Variants in PGC observed in about 807,000 individuals in gnomAD.
PGC encodes progastricsin, also known as gastricsin.
PGC carries 31 observed loss-of-function variants against 45.9 expected under a neutral mutation model. The observed-to-expected ratio is 0.67, with a 90% CI of 0.51 to 0.91. PGC has a LOEUF of 0.91. Ranked by LOEUF, PGC falls within the 40% of genes least tolerant of loss-of-function variation. The pLI is 0.00. For synonymous variants in PGC, 192 were observed against 201.8 expected, an observed-to-expected ratio of 0.95 and a Z score of 0.41; for missense variants, 477 against 493.2, an observed-to-expected ratio of 0.97 and a Z score of 0.31.
Position 41,739,859 on chromosome 6 carries a change from G to C in PGC, c.855C>G (p.Pro285=). The C allele has an allele frequency of 1.2e-6, 2 of 1,614,078 alleles. No individual in the cohort carries two copies. Residue 285 remains proline (P), a synonymous_variant, in exon 7 of 9, where the codon CCC becomes CCG. Transcript: ENST00000373025. ...VDTGTSLLTV[P]QQYMSALLQA... ...GCAGAAGAGCACTCATGTACTGCTG[G>C]GGCACAGTGAGCAGAGAGGTGCCTG...
At chr6:41,741,979 G>A (rs1771834435) in intron 5 of PGC, 1 of 710,340 alleles carries the variant, frequency 1.4e-6, no homozygotes, top group African/African-American at 1.8e-5. Flanking sequence ...TCCAAGGGGT[G>A]CTGAGAATCA....
At chr6:41,740,773 A>G (rs1771807737) in intron 5 of PGC, 163 bp from the exon 6 acceptor site, 15 of 1,431,380 alleles carry the variant, frequency 1.0e-5, no homozygotes, top group East Asian at 2.5e-5. Flanking sequence ...CCCTGAGGAC[A>G]GGGCTGTATC....
chr6:41,744,643 A>C lies in PGC; in HGVS notation c.210+15T>G, dbSNP rs374515294. On this transcript the variant is annotated intron_variant, in intron 2 of 8. Transcript: ENST00000373025. The surrounding 1 kb of genome is among the most constrained non-coding windows in gnomAD (Gnocchi z 4.4). ...ACCAGAGAGAAGGCTACCGCCAGAAAGGGTCAGGACTCACATCCATGTAGG... is the reference window on the plus strand; with the variant it reads ...ACCAGAGAGAAGGCTACCGCCAGAACGGGTCAGGACTCACATCCATGTAGG... 8 of 1,613,578 alleles carry C rather than the reference A, an allele frequency of 5.0e-6. No homozygotes were observed. Among genetic ancestry groups the C allele is most frequent in the Non-Finnish European group, 6.8e-6 (8 of 1,179,602 alleles).
In PGC at chr6:41,738,205, T is replaced by TATATATAC. The variant is rs1771743599; in HGVS notation, c.916-378_916-377insGTATATAT. Among the ~76,000 whole-genome samples the TATATATAC allele has an allele frequency of 2.1e-3, 135 of 63,348 alleles. 3 individuals are homozygous for TATATATAC. Among genetic ancestry groups the TATATATAC allele is most frequent in the Middle Eastern group, 0.019 (2 of 106 alleles). The allele number at this position is 63,348 out of a possible 152,430, so 41.6% of individuals were successfully genotyped here. ...ATATATATATGCATATATATATGCA[T>TATATATAC]ATATATATGCATATATATATGCATA... On this transcript the variant is annotated intron_variant, in intron 7 of 8. Transcript: ENST00000373025.
At position 41,740,985 on chromosome 6, in the gene PGC, G is replaced by A. The variant is rs925381529; in HGVS notation, c.648-375C>T. On this transcript the variant is annotated intron_variant, in intron 5 of 8. Transcript: ENST00000373025. ...GGAATTCCCAGCGCCTCAGGCTCCC[G>A]AATGATGCTGACTTCTGGGGGGTCC... 27 of 1,526,494 alleles carry A rather than the reference G, an allele frequency of 1.8e-5. 1 individual carries two copies. Among genetic ancestry groups the A allele is most frequent in the Admixed American group, 8.3e-5 (4 of 48,064 alleles). The allele number at this position is 1,526,494 out of a possible 1,614,324, so 94.6% of individuals were successfully genotyped here. A position where few individuals can be genotyped will look rare whatever the true frequency, so the allele number is the denominator to read the frequency against.
At position 41,741,610 on chromosome 6, in the gene PGC, C is replaced by T. The variant is rs144585271; in HGVS notation, c.647+680G>A. ...GCAGTGAGCCGAGATTGCGCCACTG[C>T]ACTCCAGACCGGGTGACAGAGTGAG... On this transcript the variant is annotated intron_variant, in intron 5 of 8. Coordinates refer to ENST00000373025, the MANE Select transcript of PGC (RefSeq NM_002630.4). 7.4e-3 allele frequency among the ~76,000 whole-genome samples: 1,134 copies of T among 152,300 alleles called. 16 individuals are homozygous for T. The highest frequency in any genetic ancestry group is 0.026 in the African/African-American group (1,060 of 41,546).
intron 1 of PGC, 84 bp downstream of exon 1, chr6:41,747,192 G>T (rs1156430386): frequency 1.8e-6 from 2 of 1,124,850 alleles, no homozygotes; most frequent in African/African-American, 1.5e-5. Context: ...AGACAGGCAG[G>T]GTGTCCCCTG....
intron 5 of PGC, chr6:41,741,141 A>G (rs1295670258): frequency 3.3e-6 from 5 of 1,537,032 alleles, no homozygotes; most frequent in Non-Finnish European, 4.4e-6. Flanking sequence ...GGAGACAGGT[A>G]GGGTCTTGGT....
intron 5 of PGC, chr6:41,740,942 G>C: frequency 6.7e-7 from 1 of 1,496,788 alleles, no homozygotes; most frequent in Non-Finnish European, 8.9e-7. Flanking sequence ...TTAGACTGGG[G>C]CTTTCTGGCC....
chr6:41,739,978 C>A, intron 6 of PGC, 32 bp from the exon 7 acceptor site: 1 of 1,606,794 alleles, frequency 6.2e-7, no homozygotes, highest in South Asian at 1.1e-5. Flanking sequence ...AGCCTCAGGA[C>A]TCCCCCAGTT....
chr6:41,743,372 T>C lies in PGC; in HGVS notation c.346A>G (p.Asn116Asp), dbSNP rs1771868535. ...GAGTAGGTGGACGACTCGCTGGGGTTGAAGCGGGAGTGACTGGCTGCAGGG... is the reference window on the plus strand; with the variant it reads ...GAGTAGGTGGACGACTCGCTGGGGTCGAAGCGGGAGTGACTGGCTGCAGGG... Reference protein sequence around the residue: ...SQACTSHSRFNPSESSTYSTN... With the variant: ...SQACTSHSRFDPSESSTYSTN... The change falls in exon 4 of 9, where the codon AAC (asparagine) becomes GAC (aspartate). Residue 116 changes from asparagine (N) to aspartate (D), a missense_variant. By Grantham distance (23) the Asn-to-Asp change is conservative. Transcript: ENST00000373025. The C allele has an allele frequency of 6.2e-7, 1 of 1,613,208 alleles. No homozygotes were observed. The highest frequency in any genetic ancestry group is 1.3e-5 in the African/African-American group (1 of 74,882).
At chr6:41,741,336 TA>T in intron 5 of PGC, 1 of 1,016,674 alleles carries the variant, frequency 9.8e-7, no homozygotes, top group South Asian at 1.8e-5. Flanking sequence ...CCAATGAAGC[TA>T]ACTGTCTCTA....
intron 1 of PGC, among the ~76,000 whole-genome samples, chr6:41,745,769 A>G (rs1247050434): frequency 6.7e-6 from 1 of 150,178 alleles, no homozygotes; most frequent in African/African-American, 2.5e-5. Flanking sequence ...GGCTGGTCTC[A>G]AACTCCCGAC....
chr6:41,738,181 T>TATATAC (rs1561879756), intron 7 of PGC, among the ~76,000 whole-genome samples: 13 of 41,342 alleles, frequency 3.1e-4, no homozygotes, highest in Non-Finnish European at 6.3e-4. Context: ...TATATATACA[T>TATATAC]ATATATATGC....
At chr6:41,738,205 T>TATATATATATGC (rs1554138634) in intron 7 of PGC, among the ~76,000 whole-genome samples, 4 of 63,364 alleles carry the variant, frequency 6.3e-5, no homozygotes, top group Non-Finnish European at 6.1e-5. Flanking sequence ...TATATATGCA[T>TATATATATATGC]ATATATATGC....
At chr6:41,747,199 C>A in intron 1 of PGC, 77 bp downstream of exon 1, 1 of 1,255,188 alleles carries the variant, frequency 8.0e-7, no homozygotes, top group Non-Finnish European at 1.2e-6. Flanking sequence ...CAGGGTGTCC[C>A]CTGGCCCAGT....
Position 41,741,866 on chromosome 6 carries a change from A to G in PGC, c.647+424T>C, listed in dbSNP as rs749326253. 3.6e-5 allele frequency: 54 copies of G among 1,517,916 alleles called. No homozygotes were observed. The South Asian group carries it at 6.5e-4, about 18-fold the overall frequency. The allele number at this position is 1,517,916 out of a possible 1,614,324, so 94.0% of individuals were successfully genotyped here. A position where few individuals can be genotyped will look rare whatever the true frequency, so the allele number is the denominator to read the frequency against. On this transcript the variant is annotated intron_variant, in intron 5 of 8. Coordinates refer to ENST00000373025, the MANE Select transcript of PGC (RefSeq NM_002630.4). ...AGGCTAGAACAATAGATAAAAGGAG[A>G]TGAAGCAATACATTACTATGCAAAA...
chr6:41,737,522 T>C (rs899630678), intron 8 of PGC, among the ~76,000 whole-genome samples: 1 of 152,208 alleles, frequency 6.6e-6, no homozygotes, highest in Non-Finnish European at 1.5e-5. Flanking sequence ...TCCCCACTAA[T>C]TAATAATAAT....
intron 7 of PGC, among the ~76,000 whole-genome samples, chr6:41,738,156 A>ATG (rs1491398770): frequency 3.9e-5 from 1 of 25,510 alleles, no homozygotes; most frequent in Non-Finnish European, 8.0e-5. Flanking sequence ...ATATATATAT[A>ATG]CATATATATG....
Sources: gnomAD v4.1 joint callset for allele counts (sites outside exome capture counted in the v4.1 genomes callset) on GRCh38, gnomAD v4.1.1 for gene constraint, Gnocchi (gnomAD v3.1) non-coding constraint, MANE v1.5 for transcripts, NCBI Gene and HGNC (gene_info 2026-07-23, HGNC 2026-07-21) for gene names.